Variants in OCLN observed in about 807,000 individuals in gnomAD.
OCLN encodes the protein phosphatase 1, regulatory subunit 115.
Under a neutral mutation model 47.9 loss-of-function variants are expected in OCLN, and 21 were observed. The ratio of observed to expected loss-of-function variants is 0.44; its 90% CI spans 0.31 to 0.63. OCLN has a LOEUF of 0.63. Among genes scored for constraint, OCLN ranks in the 30% least tolerant of loss-of-function variants. The probability of loss-of-function intolerance (pLI) is 0.08; values close to 1 mark genes in which losing one functional copy is unlikely to be tolerated. For missense variants in OCLN, 360 were observed against 571.0 expected (o/e 0.63, Z 3.77); for synonymous variants, 117 against 198.4 (o/e 0.59, Z 3.45).
intron 3 of OCLN, among the ~76,000 whole-genome samples, chr5:69,510,275 A>G (rs1768743143): frequency 6.6e-6 from 1 of 152,204 alleles, no homozygotes; most frequent in Admixed American, 6.5e-5. Context: ...AGGTTTACCC[A>G]TGTCATAGCT....
chr5:69,493,331 C>T lies in OCLN; in HGVS notation c.-69+431C>T, dbSNP rs934974148. 1.3e-5 allele frequency among the ~76,000 whole-genome samples: 2 copies of T among 151,964 alleles called. No individual in the cohort carries two copies. Among genetic ancestry groups the T allele is most frequent in the East Asian group, 1.9e-4 (1 of 5,140 alleles). On this transcript the variant is annotated intron_variant, in intron 1 of 8. Coordinates refer to ENST00000396442, the MANE Select transcript of OCLN (RefSeq NM_001205254.2). This position sits in a 1 kb window ranked among gnomAD's most constrained non-coding sequence, Gnocchi z 5.3. Reference sequence around the variant, plus strand: ...CTTGGGGGTCCTAAGCCTGAGGCTGCAGCGAGGCGGCTGTTCGGCGGCCCG... The same window carrying T: ...CTTGGGGGTCCTAAGCCTGAGGCTGTAGCGAGGCGGCTGTTCGGCGGCCCG...
intron 1 of OCLN, among the ~76,000 whole-genome samples, chr5:69,498,229 C>G (rs981204499): frequency 6.6e-6 from 1 of 152,110 alleles, no homozygotes. Flanking sequence ...CATGGTGGCT[C>G]ATGCCTGTAA....
chr5:69,527,788 G>A (rs1769322757), intron 4 of OCLN, among the ~76,000 whole-genome samples: 1 of 152,070 alleles, frequency 6.6e-6, no homozygotes, highest in South Asian at 2.1e-4. Context: ...ACCGCAGAAG[G>A]GAGGGAGTAA....
At chr5:69,518,065 G>T (rs1769027027) in intron 4 of OCLN, among the ~76,000 whole-genome samples, 1 of 152,148 alleles carries the variant, frequency 6.6e-6, no homozygotes, top group Admixed American at 6.6e-5. Context: ...CCTCTCATCT[G>T]ATTTTACTGT....
chr5:69,524,142 G>A (rs1416432445), intron 4 of OCLN, among the ~76,000 whole-genome samples: 1 of 152,156 alleles, frequency 6.6e-6, no homozygotes, highest in Non-Finnish European at 1.5e-5. Context: ...GTGAGACTCT[G>A]TCTCTAAAAA....
intron 4 of OCLN, among the ~76,000 whole-genome samples, chr5:69,522,669 A>G (rs758396069): frequency 1.3e-5 from 2 of 152,102 alleles, no homozygotes; most frequent in Non-Finnish European, 2.9e-5. Context: ...ATAGATTTAC[A>G]GAAAAGTTGC....
chr5:69,514,247 G>T (rs917390791), intron 4 of OCLN, 138 bp downstream of exon 4: 15 of 780,538 alleles, frequency 1.9e-5, no homozygotes, highest in Non-Finnish European at 3.0e-5. Flanking sequence ...TTTTTACTCA[G>T]AATTTTAAGA....
rs1184042766 is a variant in OCLN, at chr5:69,509,820, G to A, written c.729+1G>A. The stretch of plus-strand genomic sequence containing the variant: ...CTACTGTGTTGTGGATCCCCAGGAG[G>A]TATGAGTGGTGTTTTGGGTTTTTTC... On this transcript the variant is annotated splice_donor_variant, in intron 3 of 8. Coordinates refer to ENST00000396442, the MANE Select transcript of OCLN (RefSeq NM_001205254.2). LOFTEE classifies it high-confidence loss of function. 1.2e-6 allele frequency: 2 copies of A among 1,612,394 alleles called. No homozygotes were observed. The highest frequency in any genetic ancestry group is 1.3e-5 in the African/African-American group (1 of 74,910).
At chr5:69,498,487 C>T (rs1768365154) in intron 1 of OCLN, among the ~76,000 whole-genome samples, 1 of 151,316 alleles carries the variant, frequency 6.6e-6, no homozygotes, top group African/African-American at 2.4e-5. Flanking sequence ...GAGCAAGACT[C>T]CTGTCTCAAA....
chr5:69,492,556 C>T (rs1365891118), upstream of OCLN: 2 of 152,422 alleles, frequency 1.3e-5, no homozygotes, highest in African/African-American at 4.8e-5. Flanking sequence ...CACACCACAC[C>T]TACACTCCCG....
chr5:69,512,849 T>A (rs1367811958), intron 3 of OCLN, among the ~76,000 whole-genome samples: 1 of 152,230 alleles, frequency 6.6e-6, no homozygotes, highest in Non-Finnish European at 1.5e-5. Context: ...TATATTAATA[T>A]CTGAAATGTT....
intron 4 of OCLN, among the ~76,000 whole-genome samples, chr5:69,515,744 G>A (rs1277908945): frequency 2.0e-5 from 3 of 149,132 alleles, no homozygotes; most frequent in Admixed American, 6.6e-5. Flanking sequence ...CTCATATGGG[G>A]CGGTTGCCAG....
intron 1 of OCLN, among the ~76,000 whole-genome samples, chr5:69,494,327 CAGGCACCCACT>C (rs1768231782): frequency 6.6e-6 from 1 of 152,172 alleles, no homozygotes; most frequent in African/African-American, 2.4e-5. Flanking sequence ...GCTGGGATTA[CAGGCACCCACT>C]AGTATGCACA....
intron 4 of OCLN, among the ~76,000 whole-genome samples, chr5:69,529,677 C>T (rs981509806): frequency 6.6e-6 from 1 of 152,040 alleles, no homozygotes; most frequent in Non-Finnish European, 1.5e-5. Flanking sequence ...AATCTCGGCA[C>T]ACTGCAACCT....
chr5:69,515,271 G>T (rs1269755317), intron 4 of OCLN, among the ~76,000 whole-genome samples: 1 of 142,092 alleles, frequency 7.0e-6, no homozygotes, highest in African/African-American at 2.6e-5. Context: ...GCGGCTGGCC[G>T]GGCGGGGGGC....
intron 4 of OCLN, among the ~76,000 whole-genome samples, chr5:69,527,373 G>A (rs1306765845): frequency 6.6e-6 from 1 of 152,232 alleles, no homozygotes; most frequent in African/African-American, 2.4e-5. Flanking sequence ...CTCTGATCAG[G>A]AGAAAGTTAC....
At chr5:69,520,812 A>T (rs549136529) in intron 4 of OCLN, among the ~76,000 whole-genome samples, 1 of 152,126 alleles carries the variant, frequency 6.6e-6, no homozygotes, top group African/African-American at 2.4e-5. Context: ...TACCTTGCAC[A>T]TGGTAAATAA....
chr5:69,496,393 C>G (rs1314760135), intron 1 of OCLN, among the ~76,000 whole-genome samples: 1 of 152,054 alleles, frequency 6.6e-6, no homozygotes, highest in Non-Finnish European at 1.5e-5. Context: ...CCACCGCGCC[C>G]GGCCACAACT....
At position 69,513,931 on chromosome 5, in the gene OCLN, T is replaced by C; in HGVS notation, c.730-17T>C. The stretch of plus-strand genomic sequence containing the variant: ...AATTAAAATCTAATTATGCCAATAT[T>C]TTCCACTCCTTTTTAGGCCATTGCC... On this transcript the variant is annotated splice_polypyrimidine_tract_variant and intron_variant, in intron 3 of 8. Coordinates refer to ENST00000396442, the MANE Select transcript of OCLN (RefSeq NM_001205254.2). The C allele has an allele frequency of 1.9e-6, 3 of 1,607,200 alleles. No homozygotes were observed. Among genetic ancestry groups the C allele is most frequent in the Non-Finnish European group, 2.6e-6 (3 of 1,173,676 alleles).
Sources: allele counts gnomAD v4.1 joint callset (sites outside exome capture counted in the v4.1 genomes callset), GRCh38; gene constraint gnomAD v4.1.1; non-coding constraint Gnocchi (gnomAD v3.1); transcripts MANE v1.5; gene names NCBI Gene and HGNC (gene_info 2026-07-23, HGNC 2026-07-21).